Variants in QSOX1 observed in about 807,000 individuals in gnomAD.
QSOX1 encodes the protein sulfhydryl oxidase 1.
QSOX1 carries 40 observed loss-of-function variants against 76.1 expected under a neutral mutation model. The observed-to-expected ratio is 0.53, with a 90% CI of 0.41 to 0.68. QSOX1 has a LOEUF of 0.68. Among genes scored for constraint, QSOX1 ranks in the 30% least tolerant of loss-of-function variants. QSOX1 has a pLI of 0.00. For missense variants in QSOX1, 931 were observed against 974.3 expected, an observed-to-expected ratio of 0.96 and a Z score of 0.59; for synonymous variants, 392 against 413.1, an observed-to-expected ratio of 0.95 and a Z score of 0.62.
intron 5 of QSOX1, among the ~76,000 whole-genome samples, chr1:180,181,554 T>C (rs1444471518): frequency 6.6e-6 from 1 of 152,230 alleles, no homozygotes; most frequent in Non-Finnish European, 1.5e-5. Flanking sequence ...TTATTTTGTT[T>C]GTATCCTACC....
At chr1:180,186,829 T>C (rs1056990190) in intron 8 of QSOX1, among the ~76,000 whole-genome samples, 1 of 152,256 alleles carries the variant, frequency 6.6e-6, no homozygotes, top group African/African-American at 2.4e-5. Context: ...TCTGCCAGCC[T>C]GAAAGTGTTG....
chr1:180,188,299 G>A (rs545517088), intron 8 of QSOX1, among the ~76,000 whole-genome samples: 3 of 152,172 alleles, frequency 2.0e-5, no homozygotes, highest in Non-Finnish European at 4.4e-5. Context: ...ATGTCCTGCC[G>A]GTGCCTTCCC....
intron 2 of QSOX1, among the ~76,000 whole-genome samples, chr1:180,173,587 C>T (rs1448726737): frequency 2.6e-5 from 4 of 152,122 alleles, no homozygotes; most frequent in Non-Finnish European, 4.4e-5. Context: ...TCACAGGGAG[C>T]AGAAGGTTGC....
intron 9 of QSOX1, among the ~76,000 whole-genome samples, chr1:180,189,910 A>G (rs1227964096): frequency 6.6e-6 from 1 of 152,234 alleles, no homozygotes; most frequent in African/African-American, 2.4e-5. Context: ...GCAGATGAAG[A>G]AACAGTACTT....
chr1:180,197,578 C>G lies in QSOX1; in HGVS notation c.*541C>G, dbSNP rs1483883885. 1.7e-6 allele frequency: 1 copy of G among 592,730 alleles called. No homozygotes were observed. 36.7% of individuals were successfully genotyped at this position (592,730 alleles called of 1,614,324 possible). A position where few individuals can be genotyped will look rare whatever the true frequency, so the allele number is the denominator to read the frequency against. On this transcript the variant is annotated 3_prime_UTR_variant, in exon 12 of 12. Coordinates refer to ENST00000367602, the MANE Select transcript of QSOX1 (RefSeq NM_002826.5). ...CTGGCCAGCCTCCAGCTCCTCAGACCTCCTGGGTGGGGTTTGGCTTCAGGG... is the reference window on the plus strand; with the variant it reads ...CTGGCCAGCCTCCAGCTCCTCAGACGTCCTGGGTGGGGTTTGGCTTCAGGG...
intron 2 of QSOX1, among the ~76,000 whole-genome samples, chr1:180,173,771 G>T (rs1487628551): frequency 6.6e-6 from 1 of 152,222 alleles, no homozygotes; most frequent in Non-Finnish European, 1.5e-5. Context: ...GGTGGTGGGT[G>T]ATGATGGTAC....
chr1:180,167,753 G>A (rs1409926282), intron 2 of QSOX1, among the ~76,000 whole-genome samples: 3 of 152,230 alleles, frequency 2.0e-5, no homozygotes, highest in Non-Finnish European at 4.4e-5. Context: ...AGCTACTGCC[G>A]TGTCATTGAA....
At chr1:180,180,499 T>C (rs554659587) in intron 5 of QSOX1, among the ~76,000 whole-genome samples, 55 of 152,094 alleles carry the variant, frequency 3.6e-4, no homozygotes, top group African/African-American at 1.3e-3. Flanking sequence ...CGTGAGCCAC[T>C]GCGCCCAACC....
At chr1:180,165,306 A>G (rs747612210) in intron 1 of QSOX1, among the ~76,000 whole-genome samples, 1 of 152,196 alleles carries the variant, frequency 6.6e-6, no homozygotes, top group South Asian at 2.1e-4. Context: ...GCCACCAGGC[A>G]GGCCTCCTCC....
chr1:180,176,994 TCCTCCAGAGGG>T (rs1662912321), intron 4 of QSOX1, among the ~76,000 whole-genome samples: 1 of 152,156 alleles, frequency 6.6e-6, no homozygotes, highest in Admixed American at 6.5e-5. Flanking sequence ...CAATTTTCCA[TCCTCCAGAGGG>T]CCTCCAGGGG....
chr1:180,162,261 A>G (rs935821536), intron 1 of QSOX1, among the ~76,000 whole-genome samples: 7 of 152,222 alleles, frequency 4.6e-5, no homozygotes, highest in Non-Finnish European at 1.0e-4. Flanking sequence ...TTGTTTGACA[A>G]TGCTTCCCAT....
intron 8 of QSOX1, 119 bp downstream of exon 8, chr1:180,186,301 C>A (rs1663169961): frequency 2.2e-6 from 3 of 1,343,146 alleles, no homozygotes; most frequent in Admixed American, 2.3e-5. Flanking sequence ...TGGCTGGACA[C>A]CTGGACCCAC....
chr1:180,175,693 T>C (rs1035530882), intron 3 of QSOX1, among the ~76,000 whole-genome samples: 2 of 152,178 alleles, frequency 1.3e-5, no homozygotes, highest in Non-Finnish European at 2.9e-5. Context: ...TCCTGACGAC[T>C]CCCAGTTCTG....
intron 6 of QSOX1, 81 bp downstream of exon 6, chr1:180,182,400 T>C (rs1663063184): frequency 1.9e-6 from 3 of 1,550,168 alleles, no homozygotes; most frequent in Non-Finnish European, 2.6e-6. Context: ...GCTGCCCGCC[T>C]TTCACAGTGG....
Position 180,186,136 on chromosome 1 carries a change from G to A in QSOX1, c.971G>A (p.Gly324Glu). The A allele has an allele frequency of 6.2e-7, 1 of 1,614,130 alleles. No individual in the cohort carries two copies. The highest frequency in any genetic ancestry group is 8.5e-7 in the Non-Finnish European group (1 of 1,180,002). ...IEVGRFPVLE[G>E]QRLVALKKFV... ...GTGGGCAGGTTCCCGGTCCTGGAAG[G>A]GCAGCGCCTGGTGGCCCTGAAAAAG... Residue 324 changes from glycine to glutamate, a missense_variant, in exon 8 of 12, where the codon GGG (glycine) becomes GAG (glutamate). Transcript: ENST00000367602.
Position 180,196,430 on chromosome 1 carries a change from C to T in QSOX1, c.1637C>T (p.Ala546Val). 6 of 1,614,208 alleles carry T rather than the reference C, an allele frequency of 3.7e-6. No homozygotes were observed. The highest frequency in any genetic ancestry group is 5.1e-6 in the Non-Finnish European group (6 of 1,180,042). Reference protein sequence around the residue: ...SPSNIILDFPAAGSAARRDVQ... With the variant: ...SPSNIILDFPVAGSAARRDVQ... Reference sequence around the variant, plus strand: ...AGCAACATCATCCTGGACTTCCCTGCAGCTGGGTCAGCTGCCCGGAGGGAT... The same window carrying T: ...AGCAACATCATCCTGGACTTCCCTGTAGCTGGGTCAGCTGCCCGGAGGGAT... Residue 546 changes from alanine to valine, a missense_variant, in exon 12 of 12, where the codon GCA becomes GTA. Transcript: ENST00000367602. This position sits in a 1 kb window ranked among gnomAD's most constrained non-coding sequence, Gnocchi z 4.1.
intron 10 of QSOX1, 144 bp from the exon 11 acceptor site, chr1:180,194,069 C>A: frequency 1.6e-6 from 1 of 644,774 alleles, no homozygotes; most frequent in Non-Finnish European, 2.6e-6. Context: ...GACACTGGGC[C>A]TCTGCTGGCA....
chr1:180,196,495 G>A lies in QSOX1; in HGVS notation c.1702G>A (p.Ala568Thr), dbSNP rs534601334. 4 of 1,613,936 alleles carry A rather than the reference G, an allele frequency of 2.5e-6. No homozygotes were observed. Among genetic ancestry groups the A allele is most frequent in the African/African-American group, 1.3e-5 (1 of 74,934 alleles). ...VAAAPELAMG[A>T]LELESRNSTL... ...AGCCGCCCCAGAGCTGGCGATGGGA[G>A]CCCTGGAGCTGGAAAGCCGGAATTC... Residue 568 changes from alanine to threonine, a missense_variant, in exon 12 of 12, where the codon GCC becomes ACC. Physicochemically the swap from Ala to Thr is moderately conservative, Grantham distance 58. Coordinates refer to ENST00000367602, the MANE Select transcript of QSOX1 (RefSeq NM_002826.5). This position sits in a 1 kb window ranked among gnomAD's most constrained non-coding sequence, Gnocchi z 4.1.
chr1:180,195,001 G>C lies in QSOX1; in HGVS notation c.1468+609G>C, dbSNP rs10798740. 5.4e-5 allele frequency among the ~76,000 whole-genome samples: 8 copies of C among 149,206 alleles called. 1 individual carries two copies. Among genetic ancestry groups the C allele is most frequent in the South Asian group, 2.2e-4 (1 of 4,546 alleles). ...ACGTGGCTGTGACAGCCTCCCGGGG[G>C]GGGGAGACCAGGGCGGAGCCGAGGT... On this transcript the variant is annotated intron_variant, in intron 11 of 11. Coordinates refer to ENST00000367602, the MANE Select transcript of QSOX1 (RefSeq NM_002826.5).
Sources: gnomAD v4.1 joint callset for allele counts (sites outside exome capture counted in the v4.1 genomes callset) on GRCh38, gnomAD v4.1.1 for gene constraint, Gnocchi (gnomAD v3.1) non-coding constraint, MANE v1.5 for transcripts, NCBI Gene and HGNC (gene_info 2026-07-23, HGNC 2026-07-21) for gene names.